MYO18B: variants seen among roughly 807,000 people sequenced by gnomAD.
MYO18B encodes unconventional myosin-XVIIIb.
MYO18B carries 204 observed loss-of-function variants against 273.0 expected under a neutral mutation model. The ratio of observed to expected loss-of-function variants is 0.75; its 90% CI spans 0.67 to 0.84. The LOEUF (loss-of-function observed/expected upper bound fraction) is 0.84, where lower values mean the gene tolerates loss of function less well. MYO18B is among the 40% of genes least tolerant of loss of function. The pLI is 0.00. For missense variants in MYO18B, 3,212 were observed against 3,287.6 expected, an observed-to-expected ratio of 0.98 and a Z score of 0.56; for synonymous variants, 1,330 against 1,305.7, an observed-to-expected ratio of 1.02 and a Z score of -0.40.
intron 11 of MYO18B, among the ~76,000 whole-genome samples, chr22:25,796,594 TAAAAAAA>T (rs67767641): frequency 3.2e-3 from 449 of 141,342 alleles, no homozygotes; most frequent in African/African-American, 4.8e-3. Flanking sequence ...AGACCCTGTC[TAAAAAAA>T]AAAAAAAAAA....
intron 1 of MYO18B, among the ~76,000 whole-genome samples, chr22:25,746,706 A>G (rs1051959799): frequency 6.6e-6 from 1 of 152,234 alleles, no homozygotes; most frequent in Admixed American, 6.5e-5. Flanking sequence ...GGCTCATACA[A>G]CTGAGACGCT....
chr22:26,047,352 T>C, the MYO18B span, among the ~76,000 whole-genome samples: 1 of 152,152 alleles, frequency 6.6e-6, no homozygotes, highest in Non-Finnish European at 1.5e-5. Flanking sequence ...GGTCTCAATC[T>C]CCTGACCTCG....
chr22:25,948,428 TTCCTTCCTTCCTTCCTTCC>T (rs1257607557), intron 36 of MYO18B, among the ~76,000 whole-genome samples: 4 of 123,554 alleles, frequency 3.2e-5, no homozygotes, highest in Non-Finnish European at 4.7e-5. Context: ...CCTTCCTTCC[TTCCTTCCTTCCTTCCTTCC>T]TTCCTTCCTT....
chr22:25,750,179 T>C (rs2085892574), intron 1 of MYO18B, among the ~76,000 whole-genome samples: 1 of 152,172 alleles, frequency 6.6e-6, no homozygotes, highest in Non-Finnish European at 1.5e-5. Context: ...AGGGAGCTGC[T>C]GCCGCAACAG....
intron 18 of MYO18B, among the ~76,000 whole-genome samples, chr22:25,845,675 G>A (rs1458314904): frequency 6.6e-6 from 1 of 152,214 alleles, no homozygotes; most frequent in Non-Finnish European, 1.5e-5. Flanking sequence ...GAAACTGTGT[G>A]CCCAGCCTGA....
chr22:25,982,366 A>C (rs1386850820), intron 39 of MYO18B, among the ~76,000 whole-genome samples: 1 of 152,244 alleles, frequency 6.6e-6, no homozygotes, highest in Non-Finnish European at 1.5e-5. Context: ...TCAAGCCTGC[A>C]GACAACCAAA....
chr22:25,808,072 GCT>G (rs1470864703), intron 12 of MYO18B, among the ~76,000 whole-genome samples: 1 of 152,124 alleles, frequency 6.6e-6, no homozygotes, highest in East Asian at 1.9e-4. Flanking sequence ...TGAGACTTTT[GCT>G]CTCTGTTTTA....
chr22:25,976,143 A>G (rs1482956546), intron 39 of MYO18B, among the ~76,000 whole-genome samples: 1 of 152,196 alleles, frequency 6.6e-6, no homozygotes, highest in East Asian at 1.9e-4. Flanking sequence ...GGTAGAGGCC[A>G]GAGATGATGC....
At chr22:25,849,450 A>T (rs2090356618) in intron 20 of MYO18B, among the ~76,000 whole-genome samples, 1 of 152,104 alleles carries the variant, frequency 6.6e-6, no homozygotes. Context: ...TCAAATATTT[A>T]TTATTTGGAA....
At chr22:25,846,025 C>T in intron 18 of MYO18B, 75 bp from the exon 19 acceptor site, 11 of 1,338,336 alleles carry the variant, frequency 8.2e-6, no homozygotes, top group Non-Finnish European at 9.8e-6. Flanking sequence ...GGCTTGTTCC[C>T]TTTGCCACCA....
At chr22:25,763,651 G>T (rs2086406613) in intron 3 of MYO18B, among the ~76,000 whole-genome samples, 1 of 152,142 alleles carries the variant, frequency 6.6e-6, no homozygotes, top group South Asian at 2.1e-4. Context: ...ACTGTGGTTG[G>T]TTGGCATAGT....
chr22:25,752,188 ATT>A (rs10562664), intron 1 of MYO18B, among the ~76,000 whole-genome samples: 17,587 of 137,084 alleles, frequency 0.13, 1,059 homozygotes, highest in East Asian at 0.27. Context: ...ATTTTAATTA[ATT>A]TTTTTTTTTT....
At chr22:25,787,272 G>T (rs1011150754) in intron 11 of MYO18B, among the ~76,000 whole-genome samples, 2 of 136,582 alleles carry the variant, frequency 1.5e-5, no homozygotes, top group East Asian at 6.0e-4. Flanking sequence ...GCAGGCGCGC[G>T]CACACACACA....
At chr22:25,809,998 TAA>T (rs200815599) in intron 12 of MYO18B, among the ~76,000 whole-genome samples, 13 of 139,956 alleles carry the variant, frequency 9.3e-5, no homozygotes, top group Admixed American at 2.9e-4. Flanking sequence ...ATAGAAAGTT[TAA>T]AAAAAAAAAA....
chr22:25,846,963 C>T lies in MYO18B; in HGVS notation c.3553-467C>T, dbSNP rs570622217. 5.9e-5 allele frequency among the ~76,000 whole-genome samples: 9 copies of T among 152,096 alleles called. No individual in the cohort carries two copies. The South Asian group carries it at 1.9e-3, about 32-fold the overall frequency. ...GGGCGTGGTGATGCATGTCTGTAGT[C>T]CCGCTACTTGGGAGGCTGAGGCAGG... On this transcript the variant is annotated intron_variant, in intron 19 of 43. Coordinates refer to ENST00000335473, the MANE Select transcript of MYO18B (RefSeq NM_032608.7).
intron 24 of MYO18B, 33 bp downstream of exon 24, chr22:25,876,365 G>A (rs377316149): frequency 7.2e-5 from 113 of 1,579,198 alleles, no homozygotes; most frequent in Non-Finnish European, 8.6e-5. Context: ...GTGCTGGGTG[G>A]CTACTCCCCA....
At position 25,849,933 on chromosome 22, in the gene MYO18B, C is replaced by T. The variant is rs554142321; in HGVS notation, c.3776-1537C>T. The stretch of plus-strand genomic sequence containing the variant: ...CATGTGAAGATAGATCTTGTTATCT[C>T]ATCTGACAAGTGAAGAAATTGAATC... On this transcript the variant is annotated intron_variant, in intron 20 of 43. Coordinates refer to ENST00000335473, the MANE Select transcript of MYO18B (RefSeq NM_032608.7). 6.3e-4 allele frequency among the ~76,000 whole-genome samples: 96 copies of T among 152,298 alleles called. 1 individual carries two copies. Among genetic ancestry groups the T allele is most frequent in the African/African-American group, 2.2e-3 (91 of 41,566 alleles).
At position 25,798,116 on chromosome 22, in the gene MYO18B, G is replaced by T. The variant is rs1368726847; in HGVS notation, c.2521+19G>T. 1.3e-6 allele frequency: 2 copies of T among 1,590,082 alleles called. No individual in the cohort carries two copies. On this transcript the variant is annotated intron_variant, in intron 12 of 43. Coordinates refer to ENST00000335473, the MANE Select transcript of MYO18B (RefSeq NM_032608.7). ...TGCAAAGGTACGTCCTTCCTGCCGGGCTCACCTGGGAGGGCAGCTGTCTCC... is the reference window on the plus strand; with the variant it reads ...TGCAAAGGTACGTCCTTCCTGCCGGTCTCACCTGGGAGGGCAGCTGTCTCC...
At chr22:25,962,379 C>T (rs2092927437) in intron 39 of MYO18B, among the ~76,000 whole-genome samples, 2 of 152,192 alleles carry the variant, frequency 1.3e-5, no homozygotes. Flanking sequence ...GCTGCAACCT[C>T]CATATCAGAG....
Sources: allele counts gnomAD v4.1 joint callset (sites outside exome capture counted in the v4.1 genomes callset), GRCh38; gene constraint gnomAD v4.1.1; transcripts MANE v1.5; gene names NCBI Gene and HGNC (gene_info 2026-07-23, HGNC 2026-07-21).